The following MTFR1 variants were observed in gnomAD, a reference collection of about 807,000 sequenced individuals.
MTFR1 encodes mitochondrial fission regulator 1, also known as chondrocyte protein with a poly-proline region.
In MTFR1, 28 loss-of-function variants were observed where a neutral mutation model predicts 38.8. The observed-to-expected ratio is 0.72, with a 90% CI of 0.53 to 0.99. MTFR1 has a LOEUF of 0.99. Among genes scored for constraint, MTFR1 ranks in the 50% least tolerant of loss-of-function variants. The pLI, the probability that MTFR1 is intolerant of heterozygous loss-of-function variation, is 0.00. For synonymous variants in MTFR1, 145 were observed against 137.0 expected (o/e 1.06, Z -0.41); for missense variants, 358 against 395.5 (o/e 0.91, Z 0.81).
At chr8:65,737,097 G>C (rs1225195309) in intron 3 of MTFR1, among the ~76,000 whole-genome samples, 1 of 152,040 alleles carries the variant, frequency 6.6e-6, no homozygotes, top group East Asian at 2.0e-4. Flanking sequence ...AATATAGTGA[G>C]ACCCTGTCTC....
In MTFR1 at chr8:65,681,227, C is replaced by T. The variant is rs1297030721; in HGVS notation, c.67-1126C>T. Among the ~76,000 whole-genome samples, 4 of 152,166 alleles carry T rather than the reference C, an allele frequency of 2.6e-5. 1 individual carries two copies. In the South Asian group the frequency reaches 8.3e-4, roughly 32 times the overall value. ...GCGCCCGGCCTGGGTTCAAGCAGTT[C>T]TCATGCCTCAGCCTCCCAAGTAGCT... On this transcript the variant is annotated intron_variant, in intron 2 of 7. Transcript: ENST00000262146.
In MTFR1 at chr8:65,765,217, C is replaced by T. The variant is rs185621612; in HGVS notation, c.*49-5730C>T. Among the ~76,000 whole-genome samples, 1,126 of 152,082 alleles carry T rather than the reference C, an allele frequency of 7.4e-3. 7 individuals carry two copies. The highest frequency in any genetic ancestry group is 0.025 in the African/African-American group (1,018 of 41,478). ...CTCAAGATAATGGGCGAGCCGGGCG[C>T]GGTGGCTCACGCCTGTAATCCCAGC... is the stretch of plus-strand genomic sequence containing the variant. On this transcript the variant is annotated intron_variant, in intron 3 of 3. Transcript: ENST00000521247.
At chr8:65,727,075 T>C (rs371902232) in intron 3 of MTFR1, 9 of 1,003,378 alleles carry the variant, frequency 9.0e-6, no homozygotes, top group Admixed American at 5.9e-5. Flanking sequence ...CTAACATTCA[T>C]TGAGAATTTA....
intron 3 of MTFR1, among the ~76,000 whole-genome samples, chr8:65,745,780 A>C (rs1228012244): frequency 6.6e-6 from 1 of 152,224 alleles, no homozygotes; most frequent in Non-Finnish European, 1.5e-5. Flanking sequence ...ACATCACAGA[A>C]GTGTGGTTCA....
At chr8:65,761,214 C>T (rs1286722809) in intron 3 of MTFR1, among the ~76,000 whole-genome samples, 1 of 152,136 alleles carries the variant, frequency 6.6e-6, no homozygotes, top group African/African-American at 2.4e-5. Context: ...TACAGGCACG[C>T]ACCACCATGC....
At chr8:65,775,397 T>G (rs1428113022), downstream of MTFR1, among the ~76,000 whole-genome samples, 2 of 152,244 alleles carry the variant, frequency 1.3e-5, no homozygotes, top group African/African-American at 4.8e-5. Context: ...TTTATGAATA[T>G]AAGTATTTTT....
chr8:65,669,249 C>T (rs1804490113), intron 1 of MTFR1, among the ~76,000 whole-genome samples: 1 of 152,100 alleles, frequency 6.6e-6, no homozygotes, highest in African/African-American at 2.4e-5. Context: ...GGAGGAACTG[C>T]GTGGACCCTG....
the MTFR1 span, among the ~76,000 whole-genome samples, chr8:65,776,603 T>C: frequency 2.6e-5 from 4 of 152,208 alleles, no homozygotes; most frequent in African/African-American, 7.2e-5. Context: ...CAGTTTTCTA[T>C]GTAGAGTTAT....
At chr8:65,730,800 T>C (rs1165597651) in intron 3 of MTFR1, among the ~76,000 whole-genome samples, 5 of 152,090 alleles carry the variant, frequency 3.3e-5, no homozygotes. Context: ...TGGTGGCACA[T>C]GCCTATCAGC....
chr8:65,707,044 ACCACAC>A lies in MTFR1; in HGVS notation c.555_560del (p.His186_Pro187del), dbSNP rs576103575. On this transcript the variant is annotated inframe_deletion, in exon 6 of 8. Transcript: ENST00000262146. ...ATTCTACCACATTTGGTACCATACC[ACCACAC>A]CCTCCACCTCCCCCACCGCCCCTGC... is the stretch of plus-strand genomic sequence containing the variant. The A allele has an allele frequency of 5.5e-4, 886 of 1,611,698 alleles. 6 individuals are homozygous for A. The African/African-American group carries it at 0.01, about 19-fold the overall frequency.
chr8:65,763,341 G>A (rs571747931), intron 3 of MTFR1, among the ~76,000 whole-genome samples: 1 of 152,248 alleles, frequency 6.6e-6, no homozygotes, highest in East Asian at 1.9e-4. Context: ...TGAGGCGGGT[G>A]GATCACCTGA....
At chr8:65,706,857 T>C (rs891676311) in intron 5 of MTFR1, among the ~76,000 whole-genome samples, 153 bp from the exon 6 acceptor site, 15 of 152,236 alleles carry the variant, frequency 9.9e-5, no homozygotes, top group Non-Finnish European at 7.3e-5. Flanking sequence ...TCTCATGAAG[T>C]AACTGAAACT....
chr8:65,752,623 C>T (rs1488439326), intron 3 of MTFR1, among the ~76,000 whole-genome samples: 1 of 152,170 alleles, frequency 6.6e-6, no homozygotes, highest in Non-Finnish European at 1.5e-5. Context: ...TAAGATATAT[C>T]TCATTGTTAA....
chr8:65,664,360 T>G (rs1470801550), intron 1 of MTFR1, among the ~76,000 whole-genome samples: 1 of 152,208 alleles, frequency 6.6e-6, no homozygotes, highest in African/African-American at 2.4e-5. Context: ...GTAAACAACA[T>G]GAATGAATCT....
chr8:65,670,148 C>A, intron 2 of MTFR1, 130 bp downstream of exon 2: 1 of 725,500 alleles, frequency 1.4e-6, no homozygotes, highest in Non-Finnish European at 2.2e-6. Flanking sequence ...GTTTAATTTG[C>A]TTTCTATTTA....
intron 6 of MTFR1, 51 bp from the exon 7 acceptor site, chr8:65,707,792 G>C: frequency 1.3e-6 from 2 of 1,585,736 alleles, no homozygotes; most frequent in Non-Finnish European, 1.7e-6. Context: ...ACTTCCCTGA[G>C]GGTGGCCAGT....
chr8:65,751,355 GAAGA>G (rs1282008942), intron 3 of MTFR1, among the ~76,000 whole-genome samples: 1 of 152,062 alleles, frequency 6.6e-6, no homozygotes, highest in Non-Finnish European at 1.5e-5. Context: ...AGAAGGGAGG[GAAGA>G]AAGAAAATAA....
At chr8:65,767,159 A>G (rs1266401591) in intron 3 of MTFR1, among the ~76,000 whole-genome samples, 2 of 152,198 alleles carry the variant, frequency 1.3e-5, no homozygotes, top group African/African-American at 4.8e-5. Context: ...CAACACCAAC[A>G]CAGGATTGCA....
intron 3 of MTFR1, chr8:65,722,934 C>T (rs1158751766): frequency 6.6e-6 from 1 of 152,232 alleles, no homozygotes; most frequent in Non-Finnish European, 1.5e-5. Flanking sequence ...ATGGAAAGCA[C>T]TGGCGAGGCA....
Sources: gnomAD v4.1 joint callset for allele counts (sites outside exome capture counted in the v4.1 genomes callset) on GRCh38, gnomAD v4.1.1 for gene constraint, MANE v1.5 for transcripts, NCBI Gene and HGNC (gene_info 2026-07-23, HGNC 2026-07-21) for gene names.